Variants in EPHB1 observed in about 807,000 individuals in gnomAD.
The protein encoded by EPHB1 is EPH receptor B1.
A neutral mutation model predicts 94.4 loss-of-function variants in EPHB1; 30 were observed. That is an observed-to-expected ratio of 0.32 (90% CI 0.24 to 0.43). The LOEUF is 0.43. Among genes scored for constraint, EPHB1 ranks in the 20% least tolerant of loss-of-function variants. EPHB1 has a pLI of 1.00. For missense variants in EPHB1, 1,055 were observed against 1,308.3 expected, an observed-to-expected ratio of 0.81 and a Z score of 2.99; for synonymous variants, 522 against 489.1, an observed-to-expected ratio of 1.07 and a Z score of -0.89.
chr3:134,847,520 A>G (rs2036897597), intron 1 of EPHB1, among the ~76,000 whole-genome samples: 1 of 152,210 alleles, frequency 6.6e-6, no homozygotes, highest in Non-Finnish European at 1.5e-5. Flanking sequence ...GCCACACACA[A>G]CACACCTTCT....
chr3:134,880,137 A>G (rs2037702487), intron 1 of EPHB1, among the ~76,000 whole-genome samples: 2 of 152,220 alleles, frequency 1.3e-5, no homozygotes. Flanking sequence ...TTCAGTCTGA[A>G]CTGGCCCAAG....
At chr3:134,938,476 C>G (rs192202163) in intron 2 of EPHB1, among the ~76,000 whole-genome samples, 1 of 152,180 alleles carries the variant, frequency 6.6e-6, no homozygotes, top group African/African-American at 2.4e-5. Flanking sequence ...CAGGGCCTTC[C>G]GATGGTAGGC....
intron 1 of EPHB1, among the ~76,000 whole-genome samples, chr3:134,827,677 G>A (rs1431404667): frequency 1.3e-5 from 2 of 152,238 alleles, no homozygotes; most frequent in Non-Finnish European, 2.9e-5. Flanking sequence ...AACATGTGTA[G>A]GGGCTAGAAT....
chr3:134,935,145 CA>C (rs542975445), intron 2 of EPHB1, among the ~76,000 whole-genome samples: 46 of 152,294 alleles, frequency 3.0e-4, no homozygotes, highest in African/African-American at 1.1e-3. Context: ...GGGCTCCTGA[CA>C]AAGGCACTGG....
rs1341652887 is a variant in EPHB1 at position 135,146,224 on chromosome 3, G to T, written c.1298-7928G>T. ...CCCTGTGCCTTCAAAGGCCGGCAAG[G>T]TCAAGAAAAGAGATGCCCACAGGGA... On this transcript the variant is annotated intron_variant, in intron 5 of 15. Coordinates refer to ENST00000398015, the MANE Select transcript of EPHB1 (RefSeq NM_004441.5). Among the ~76,000 whole-genome samples the T allele has an allele frequency of 2.0e-5, 3 of 152,212 alleles. No homozygotes were observed. In the South Asian group the frequency reaches 6.2e-4, roughly 32 times the overall value.
chr3:134,969,631 A>C (rs1933894102), intron 3 of EPHB1, among the ~76,000 whole-genome samples: 1 of 152,222 alleles, frequency 6.6e-6, no homozygotes, highest in Admixed American at 6.5e-5. Context: ...GTCTTCATCA[A>C]AGCATCATTT....
At chr3:134,898,699 T>C (rs1188223401) in intron 1 of EPHB1, among the ~76,000 whole-genome samples, 1 of 152,172 alleles carries the variant, frequency 6.6e-6, no homozygotes, top group African/African-American at 2.4e-5. Context: ...CAACTGCTGC[T>C]CAGGAGTGGG....
chr3:134,807,781 T>C (rs746341574), intron 1 of EPHB1, among the ~76,000 whole-genome samples: 3 of 152,060 alleles, frequency 2.0e-5, no homozygotes, highest in Admixed American at 6.6e-5. Flanking sequence ...AGGATGGGGA[T>C]GTACCCAGGG....
intron 3 of EPHB1, among the ~76,000 whole-genome samples, chr3:135,095,457 GC>G (rs1185733647): frequency 6.6e-6 from 1 of 152,134 alleles, no homozygotes; most frequent in Admixed American, 6.5e-5. Context: ...TTTGTGGGCT[GC>G]TGAATCTTCC....
intron 13 of EPHB1, among the ~76,000 whole-genome samples, chr3:135,246,048 T>C (rs1943915669): frequency 6.6e-6 from 1 of 151,998 alleles, no homozygotes; most frequent in South Asian, 2.1e-4. Flanking sequence ...CCAGGACAGG[T>C]GGTAAAGCTG....
chr3:135,016,686 A>AG (rs1935806527), intron 3 of EPHB1, among the ~76,000 whole-genome samples: 1 of 152,272 alleles, frequency 6.6e-6, no homozygotes, highest in Non-Finnish European at 1.5e-5. Flanking sequence ...CTGGCTGGCC[A>AG]GGTGAGCCCA....
chr3:135,159,675 TAGTGGGTGGGC>T (rs1451922362), intron 6 of EPHB1, among the ~76,000 whole-genome samples: 4 of 152,190 alleles, frequency 2.6e-5, no homozygotes, highest in Non-Finnish European at 5.9e-5. Flanking sequence ...ATAGATCAAA[TAGTGGGTGGGC>T]AGCTCCTCTG....
Position 135,133,011 on chromosome 3 carries a change from C to T in EPHB1, c.1259C>T (p.Pro420Leu). 2 of 1,604,096 alleles carry T rather than the reference C, an allele frequency of 1.2e-6. No individual in the cohort carries two copies. The highest frequency in any genetic ancestry group is 1.7e-6 in the Non-Finnish European group (2 of 1,172,116). Reference protein sequence around the residue: ...NGVSSKSPFPPQHVSVNITTN... With the variant: ...NGVSSKSPFPLQHVSVNITTN... ...GTCTCCAGCAAGAGTCCCTTCCCCC[C>T]ACAGCACGTCTCTGTCAACATCACC... Residue 420 changes from proline (P) to leucine (L), a missense_variant, in exon 5 of 16, where the codon CCA (proline) becomes CTA (leucine). Coordinates refer to ENST00000398015, the MANE Select transcript of EPHB1 (RefSeq NM_004441.5).
intron 1 of EPHB1, among the ~76,000 whole-genome samples, chr3:134,890,131 C>G (rs1009642688): frequency 3.9e-5 from 6 of 152,144 alleles, no homozygotes; most frequent in Non-Finnish European, 7.3e-5. Context: ...GTCACTACCC[C>G]CCCTTCCACC....
chr3:135,247,310 G>A (rs1344578067), intron 13 of EPHB1, among the ~76,000 whole-genome samples: 1 of 152,112 alleles, frequency 6.6e-6, no homozygotes, highest in Non-Finnish European at 1.5e-5. Flanking sequence ...TACTATTTCT[G>A]AAGTTATGCA....
At chr3:135,024,494 C>T (rs1188753521) in intron 3 of EPHB1, among the ~76,000 whole-genome samples, 1 of 152,122 alleles carries the variant, frequency 6.6e-6, no homozygotes, top group East Asian at 1.9e-4. Context: ...GGATGGACAT[C>T]GCCAGAATTT....
At chr3:134,795,737 T>C (rs9852662) in intron 1 of EPHB1, 48 bp downstream of exon 1, 1,591,584 of 1,597,118 alleles carry the variant, frequency 1, 793,190 homozygotes, top group East Asian at 1. Flanking sequence ...CCGGCCGCCT[T>C]GGGACTGCTG....
intron 1 of EPHB1, among the ~76,000 whole-genome samples, chr3:134,834,374 C>T (rs1248093280): frequency 6.6e-6 from 1 of 152,124 alleles, no homozygotes; most frequent in Non-Finnish European, 1.5e-5. Flanking sequence ...TCTAGTAGAC[C>T]TCCAGAGTTA....
chr3:135,048,435 G>T (rs949172621), intron 3 of EPHB1, among the ~76,000 whole-genome samples: 1 of 151,440 alleles, frequency 6.6e-6, no homozygotes, highest in Non-Finnish European at 1.5e-5. Context: ...ATGCCTGCCT[G>T]TTTTTTGTAA....
Sources: gnomAD v4.1 joint callset for allele counts (sites outside exome capture counted in the v4.1 genomes callset) on GRCh38, gnomAD v4.1.1 for gene constraint, MANE v1.5 for transcripts, NCBI Gene and HGNC (gene_info 2026-07-23, HGNC 2026-07-21) for gene names.